Variants in IFNGR1 observed in about 807,000 individuals in gnomAD.
The protein encoded by IFNGR1 is AVP, type 2.
A neutral mutation model predicts 35.4 loss-of-function variants in IFNGR1; 23 were observed. The observed-to-expected ratio is 0.65, with a 90% CI of 0.47 to 0.92. The LOEUF is 0.92. Ranked by LOEUF, IFNGR1 falls within the 40% of genes least tolerant of loss-of-function variation. The pLI is 0.00. For missense variants in IFNGR1, 533 were observed against 583.4 expected (o/e 0.91, Z 0.89); for synonymous variants, 199 against 209.5 (o/e 0.95, Z 0.43).
Position 137,200,894 on chromosome 6 carries a change from A to G in IFNGR1, c.848T>C (p.Leu283Ser). 6.3e-7 allele frequency: 1 copy of G among 1,592,504 alleles called. No homozygotes were observed. The highest frequency in any genetic ancestry group is 2.2e-5 in the East Asian group (1 of 44,448). ...INPLKEKSII[L>S]PKSLISVVRS... ...TAAATACATTACCAAGGACTTGGGT[A>G]ATATTATGCTTTTTTCCTTCAATGG... Residue 283 changes from leucine (L) to serine (S), a missense_variant, in exon 6 of 7, where the codon TTA becomes TCA. Leu to Ser is a moderately radical substitution (Grantham distance 145). Transcript: ENST00000367739.
chr6:137,215,995 C>T (rs1460420962), intron 1 of IFNGR1, among the ~76,000 whole-genome samples: 1 of 152,146 alleles, frequency 6.6e-6, no homozygotes, highest in African/African-American at 2.4e-5. Flanking sequence ...AGCCACTGCC[C>T]CCAGCCTAGG....
rs185421100 is a variant in IFNGR1, at chr6:137,204,672, G to T, written c.374-168C>A. ...CAAATATCTAGAAGATAGTCTCGGG[G>T]TCCTTAATAAACAAATGTTTCATAA... is the stretch of plus-strand genomic sequence containing the variant. On this transcript the variant is annotated intron_variant, in intron 3 of 6. Transcript: ENST00000367739. 8.6e-5 allele frequency among the ~76,000 whole-genome samples: 13 copies of T among 152,040 alleles called. No homozygotes were observed. The East Asian group carries it at 2.3e-3, about 27-fold the overall frequency.
Position 137,197,998 on chromosome 6 carries a change from T to G in IFNGR1, c.*33A>C, listed in dbSNP as rs770939689. The G allele has an allele frequency of 6.2e-7, 1 of 1,613,396 alleles. No individual in the cohort carries two copies. Among genetic ancestry groups the G allele is most frequent in the Non-Finnish European group, 8.5e-7 (1 of 1,179,758 alleles). On this transcript the variant is annotated 3_prime_UTR_variant, in exon 7 of 7. Coordinates refer to ENST00000367739, the MANE Select transcript of IFNGR1 (RefSeq NM_000416.3). ...TAAAGCAGAAAACTGTCCAGGAAAATCAGACTTCAAAGTTGGTGCAACTTA... is the reference window on the plus strand; with the variant it reads ...TAAAGCAGAAAACTGTCCAGGAAAAGCAGACTTCAAAGTTGGTGCAACTTA...
chr6:137,206,446 G>C lies in IFNGR1; in HGVS notation c.201-138C>G, dbSNP rs56366283. 1.2e-5 allele frequency: 8 copies of C among 645,252 alleles called. No individual in the cohort carries two copies. The East Asian group carries it at 2.2e-4, about 18-fold the overall frequency. 40.0% of individuals were successfully genotyped at this position (645,252 alleles called of 1,614,324 possible). A position where few individuals can be genotyped will look rare whatever the true frequency, so the allele number is the denominator to read the frequency against. On this transcript the variant is annotated intron_variant, in intron 2 of 6. Coordinates refer to ENST00000367739, the MANE Select transcript of IFNGR1 (RefSeq NM_000416.3). ...AGCTAAGAATAGGATGGAGACGCCA[G>C]AGAAAGTAGGAAACCCTTACTCTTT... is the stretch of plus-strand genomic sequence containing the variant.
intron 2 of IFNGR1, chr6:137,206,672 G>T: frequency 2.4e-6 from 1 of 408,394 alleles, no homozygotes; most frequent in Non-Finnish European, 4.3e-6. Context: ...AATTTATATT[G>T]TTCTACTAAA....
chr6:137,213,735 G>A (rs1160358676), intron 1 of IFNGR1, among the ~76,000 whole-genome samples: 2 of 152,196 alleles, frequency 1.3e-5, no homozygotes, highest in Non-Finnish European at 2.9e-5. Context: ...TAGGGTGGAT[G>A]GCAAACTACA....
At chr6:137,199,317 AATAT>A (rs1222550276) in intron 6 of IFNGR1, among the ~76,000 whole-genome samples, 2 of 132,936 alleles carry the variant, frequency 1.5e-5, no homozygotes, top group Non-Finnish European at 3.1e-5. Flanking sequence ...TATATTATAT[AATAT>A]ATAATTTATA....
At chr6:137,206,106 A>G (rs1378599463) in intron 3 of IFNGR1, 30 bp downstream of exon 3, 1 of 1,576,782 alleles carries the variant, frequency 6.3e-7, no homozygotes, top group Non-Finnish European at 8.7e-7. Flanking sequence ...TTTCCAATTT[A>G]AAATTTACAT....
chr6:137,210,178 A>G (rs1042830933), intron 1 of IFNGR1, among the ~76,000 whole-genome samples: 3 of 152,158 alleles, frequency 2.0e-5, no homozygotes, highest in African/African-American at 7.2e-5. Flanking sequence ...TAATTAAAAA[A>G]TTAGCCAGGT....
At chr6:137,205,990 G>T in intron 3 of IFNGR1, 146 bp downstream of exon 3, 1 of 684,170 alleles carries the variant, frequency 1.5e-6, no homozygotes, top group Non-Finnish European at 2.5e-6. Context: ...GACTTGGGAT[G>T]CTCAACCTGT....
At chr6:137,203,766 T>C (rs779754695) in intron 4 of IFNGR1, 81 bp from the exon 5 acceptor site, 148 of 1,106,570 alleles carry the variant, frequency 1.3e-4, no homozygotes, top group Middle Eastern at 6.0e-4. Flanking sequence ...TTAGTCCTGG[T>C]CAAACAACTG....
chr6:137,218,436 T>C (rs1363829313), intron 1 of IFNGR1: 37 of 1,229,950 alleles, frequency 3.0e-5, no homozygotes, highest in Non-Finnish European at 3.7e-5. Flanking sequence ...AACAAACCCG[T>C]ACGAAGAGAC....
At chr6:137,201,722 T>C (rs1225462595) in intron 5 of IFNGR1, among the ~76,000 whole-genome samples, 1 of 152,018 alleles carries the variant, frequency 6.6e-6, no homozygotes, top group East Asian at 1.9e-4. Flanking sequence ...TGGCAATGTT[T>C]ATTGCTCTTA....
intron 5 of IFNGR1, among the ~76,000 whole-genome samples, chr6:137,202,602 TACACACACACACACACACACAC>T (rs3839519): frequency 2.1e-5 from 3 of 142,084 alleles, no homozygotes; most frequent in South Asian, 2.2e-4. Flanking sequence ...AATATATGTA[TACACACACACACACACACACAC>T]ACACACACAC....
At chr6:137,206,731 G>A in intron 2 of IFNGR1, 1 of 537,720 alleles carries the variant, frequency 1.9e-6, no homozygotes, top group Non-Finnish European at 3.3e-6. Flanking sequence ...TATTTGTCAT[G>A]CTAATCTCAG....
intron 1 of IFNGR1, chr6:137,215,370 T>C (rs1184493290): frequency 6.6e-7 from 1 of 1,524,562 alleles, no homozygotes; most frequent in Non-Finnish European, 8.8e-7. Flanking sequence ...ACAATTATAT[T>C]ATGGCCACTG....
chr6:137,219,381 GCA>G lies in IFNGR1; in HGVS notation c.-56_-55del. On this transcript the variant is annotated 5_prime_UTR_variant, in exon 1 of 7. Transcript: ENST00000367739. Reference sequence around the variant, plus strand: ...CCCGAGCGCCTGCGGGACCAGCCCAGCACTGCCCTCCAGCCCCGGCCTTACGT... The same window carrying G: ...CCCGAGCGCCTGCGGGACCAGCCCAGCTGCCCTCCAGCCCCGGCCTTACGT... 1 of 1,565,654 alleles carries G rather than the reference GCA, an allele frequency of 6.4e-7. No individual in the cohort carries two copies. Among genetic ancestry groups the G allele is most frequent in the Non-Finnish European group, 8.7e-7 (1 of 1,155,212 alleles).
Position 137,208,052 on chromosome 6 carries a change from G to C in IFNGR1, c.86-975C>G, listed in dbSNP as rs975915043. Among the ~76,000 whole-genome samples the C allele has an allele frequency of 2.0e-5, 3 of 152,230 alleles. 1 individual carries two copies. In the South Asian group the frequency reaches 6.2e-4, roughly 31 times the overall value. ...GAGGTGAGGAACTTGCTGGGAACTGGAGCAAAGGTGACTCTTGCTATGTTT... is the reference window on the plus strand; with the variant it reads ...GAGGTGAGGAACTTGCTGGGAACTGCAGCAAAGGTGACTCTTGCTATGTTT... On this transcript the variant is annotated intron_variant, in intron 1 of 6. Coordinates refer to ENST00000367739, the MANE Select transcript of IFNGR1 (RefSeq NM_000416.3).
intron 5 of IFNGR1, among the ~76,000 whole-genome samples, chr6:137,203,045 A>C (rs1779323705): frequency 6.6e-6 from 1 of 152,108 alleles, no homozygotes; most frequent in African/African-American, 2.4e-5. Flanking sequence ...CCCATCTATA[A>C]ACTTTTTTGG....
Sources: allele counts gnomAD v4.1 joint callset (sites outside exome capture counted in the v4.1 genomes callset), GRCh38; gene constraint gnomAD v4.1.1; transcripts MANE v1.5; gene names NCBI Gene and HGNC (gene_info 2026-07-23, HGNC 2026-07-21).